The following COL5A2 variants were observed in gnomAD, a reference collection of about 807,000 sequenced individuals.
COL5A2 encodes collagen type V alpha 2 chain.
In COL5A2, 23 loss-of-function variants were observed where a neutral mutation model predicts 208.2. The ratio of observed to expected loss-of-function variants is 0.11; its 90% confidence interval spans 0.08 to 0.16. The LOEUF (loss-of-function observed/expected upper bound fraction) is 0.16. Among genes scored for constraint, COL5A2 ranks in the 10% least tolerant of loss-of-function variants. The pLI is 1.00. For synonymous variants in COL5A2, 625 were observed against 628.5 expected, an observed-to-expected ratio of 0.99 and a Z score of 0.08; for missense variants, 1,590 against 1,956.4, an observed-to-expected ratio of 0.81 and a Z score of 3.53.
chr2:189,316,850 T>C, the COL5A2 span, among the ~76,000 whole-genome samples: 2 of 150,526 alleles, frequency 1.3e-5, no homozygotes, highest in Non-Finnish European at 3.0e-5. Flanking sequence ...TTATGGTCAA[T>C]AATAACTTAA....
chr2:189,277,374 A>G, the COL5A2 span, among the ~76,000 whole-genome samples: 1 of 152,146 alleles, frequency 6.6e-6, no homozygotes, highest in Non-Finnish European at 1.5e-5. Flanking sequence ...GTAAGCAAAA[A>G]CAAGTATGGC....
chr2:189,301,325 A>G, the COL5A2 span, among the ~76,000 whole-genome samples: 7 of 152,176 alleles, frequency 4.6e-5, no homozygotes, highest in Non-Finnish European at 8.8e-5. Context: ...CACCTTTCTG[A>G]TACCCTACCC....
the COL5A2 span, among the ~76,000 whole-genome samples, chr2:189,245,570 C>T: frequency 1.3e-4 from 20 of 151,234 alleles, no homozygotes; most frequent in South Asian, 3.4e-3. Flanking sequence ...CTGCAAGCTC[C>T]GCCTCCCGGG....
At chr2:189,436,487 C>T in the COL5A2 span, among the ~76,000 whole-genome samples, 10 of 152,134 alleles carry the variant, frequency 6.6e-5, no homozygotes, top group East Asian at 1.9e-3. Context: ...AACAAACTTG[C>T]ACATTGTGCA....
At chr2:189,044,105 T>C (rs1576489487) in intron 47 of COL5A2, among the ~76,000 whole-genome samples, 2 of 152,198 alleles carry the variant, frequency 1.3e-5, no homozygotes, top group South Asian at 4.1e-4. Flanking sequence ...TCATCTACTA[T>C]AGAACCGGAT....
the COL5A2 span, among the ~76,000 whole-genome samples, chr2:189,320,307 C>T: frequency 6.6e-6 from 1 of 152,192 alleles, no homozygotes; most frequent in Non-Finnish European, 1.5e-5. Context: ...CAGAACAAAG[C>T]TGGACAGAGA....
At chr2:189,226,533 C>G (rs573487045), upstream of COL5A2, among the ~76,000 whole-genome samples, 1 of 152,108 alleles carries the variant, frequency 6.6e-6, no homozygotes, top group Non-Finnish European at 1.5e-5. Flanking sequence ...GTTTTGGATT[C>G]GATTCTCCCT....
At chr2:189,246,307 G>T in the COL5A2 span, among the ~76,000 whole-genome samples, 1 of 152,034 alleles carries the variant, frequency 6.6e-6, no homozygotes, top group Admixed American at 6.6e-5. Context: ...AAAAGAATGT[G>T]ATAGATCAAA....
the COL5A2 span, among the ~76,000 whole-genome samples, chr2:189,416,676 C>T: frequency 6.6e-6 from 1 of 152,244 alleles, no homozygotes; most frequent in East Asian, 1.9e-4. Context: ...CAAACCTGCA[C>T]GTTGTGCACA....
chr2:189,360,712 T>C, the COL5A2 span, among the ~76,000 whole-genome samples: 2 of 152,272 alleles, frequency 1.3e-5, no homozygotes, highest in African/African-American at 2.4e-5. Context: ...ACTACACCTA[T>C]CCATCATCTA....
In COL5A2 at chr2:189,059,585, GTTTTTTTTTT is replaced by G. The variant is rs71020980; in HGVS notation, c.2086-702_2086-693del. On this transcript the variant is annotated intron_variant, in intron 31 of 53. Transcript: ENST00000374866. ...AAAAACCCTTCTTTTTTCTTTTCTG[GTTTTTTTTTT>G]TTTTTTTTTTTTTTTTGAGACGTTG... Among the ~76,000 whole-genome samples, 11 of 28,642 alleles carry G rather than the reference GTTTTTTTTTT, an allele frequency of 3.8e-4. 1 individual carries two copies. Among genetic ancestry groups the G allele is most frequent in the East Asian group, 3.4e-3 (3 of 872 alleles). 18.8% of individuals were successfully genotyped at this position (28,642 alleles called of 152,430 possible). A position where few individuals can be genotyped will look rare whatever the true frequency, so the allele number is the denominator to read the frequency against.
the COL5A2 span, among the ~76,000 whole-genome samples, chr2:189,428,559 A>G: frequency 6.6e-6 from 1 of 152,176 alleles, no homozygotes; most frequent in Non-Finnish European, 1.5e-5. Flanking sequence ...CGGAGGTTGC[A>G]GTGAGCCAAG....
chr2:189,125,929 ATTCCT>A (rs933679765), intron 1 of COL5A2, among the ~76,000 whole-genome samples: 1 of 152,076 alleles, frequency 6.6e-6, no homozygotes, highest in Admixed American at 6.6e-5. Flanking sequence ...CAGGCTTTGG[ATTCCT>A]TTAACTATAG....
At chr2:189,273,551 T>C in the COL5A2 span, among the ~76,000 whole-genome samples, 3 of 152,158 alleles carry the variant, frequency 2.0e-5, no homozygotes, top group Non-Finnish European at 4.4e-5. Context: ...TACACTCTCA[T>C]GTTCATTCCA....
At chr2:189,073,371 A>G (rs969477864) in intron 17 of COL5A2, among the ~76,000 whole-genome samples, 8 of 152,158 alleles carry the variant, frequency 5.3e-5, no homozygotes, top group Non-Finnish European at 7.4e-5. Flanking sequence ...AAATGGCTAT[A>G]GAAAACATTT....
At chr2:189,390,959 C>G in the COL5A2 span, among the ~76,000 whole-genome samples, 4 of 152,118 alleles carry the variant, frequency 2.6e-5, no homozygotes, top group Non-Finnish European at 5.9e-5. Flanking sequence ...GCTAAAAATA[C>G]TAATAGAAGC....
At chr2:189,248,850 C>A in the COL5A2 span, among the ~76,000 whole-genome samples, 1 of 152,076 alleles carries the variant, frequency 6.6e-6, no homozygotes, top group African/African-American at 2.4e-5. Context: ...ATGTTCATTT[C>A]ATTCTTGGTC....
At chr2:189,362,646 C>A in the COL5A2 span, among the ~76,000 whole-genome samples, 1 of 152,054 alleles carries the variant, frequency 6.6e-6, no homozygotes, top group South Asian at 2.1e-4. Context: ...CTGTAGTTAA[C>A]TACCAAATGT....
At chr2:189,422,926 G>C in the COL5A2 span, among the ~76,000 whole-genome samples, 6 of 151,800 alleles carry the variant, frequency 4.0e-5, no homozygotes, top group African/African-American at 1.5e-4. Context: ...AGGAGGCTGA[G>C]GCAGGAGAAT....
Sources: gnomAD v4.1 joint callset for allele counts (sites outside exome capture counted in the v4.1 genomes callset) on GRCh38, gnomAD v4.1.1 for gene constraint, MANE v1.5 for transcripts, NCBI Gene and HGNC (gene_info 2026-07-23, HGNC 2026-07-21) for gene names.